DSCAML1: variants seen among roughly 807,000 people sequenced by gnomAD.
DSCAML1 encodes cell adhesion molecule DSCAML1.
Under a neutral mutation model 200.5 loss-of-function variants are expected in DSCAML1, and 38 were observed. The ratio of observed to expected loss-of-function variants is 0.19; its 90% CI spans 0.15 to 0.25. The LOEUF is 0.25. DSCAML1 is among the 10% of genes least tolerant of loss of function. The pLI, the probability that DSCAML1 is intolerant of heterozygous loss-of-function variation, is 1.00. For synonymous variants in DSCAML1, 1,215 were observed against 1,165.0 expected, an observed-to-expected ratio of 1.04 and a Z score of -0.87; for missense variants, 2,223 against 2,858.8, an observed-to-expected ratio of 0.78 and a Z score of 5.07.
intron 3 of DSCAML1, among the ~76,000 whole-genome samples, chr11:117,649,952 T>A (rs529051057): frequency 3.3e-5 from 5 of 152,296 alleles, no homozygotes; most frequent in Admixed American, 2.6e-4. Context: ...CCCTTCCTCA[T>A]TGGAACCCCT....
At chr11:117,511,899 G>A (rs1252799563) in intron 8 of DSCAML1, among the ~76,000 whole-genome samples, 2 of 152,252 alleles carry the variant, frequency 1.3e-5, no homozygotes, top group Admixed American at 1.3e-4. Context: ...ACGTACCAGG[G>A]TGCACACGCA....
At chr11:117,770,507 A>G (rs148941172) in intron 3 of DSCAML1, among the ~76,000 whole-genome samples, 415 of 152,238 alleles carry the variant, frequency 2.7e-3, no homozygotes, top group African/African-American at 9.3e-3. Context: ...GCCACGGGAC[A>G]TTAGGCAGGT....
At chr11:117,802,602 T>C (rs2055671896) in intron 1 of DSCAML1, among the ~76,000 whole-genome samples, 1 of 152,154 alleles carries the variant, frequency 6.6e-6, no homozygotes, top group Admixed American at 6.5e-5. Context: ...GTTCTCGTAT[T>C]GGAGTTTCTC....
At chr11:117,641,099 T>C (rs1290132317) in intron 3 of DSCAML1, among the ~76,000 whole-genome samples, 1 of 152,226 alleles carries the variant, frequency 6.6e-6, no homozygotes, top group Non-Finnish European at 1.5e-5. Context: ...GCAGGGCAAG[T>C]TTGCCTGTTT....
intron 11 of DSCAML1, among the ~76,000 whole-genome samples, chr11:117,501,843 T>C (rs889114249): frequency 4.0e-5 from 6 of 151,662 alleles, no homozygotes; most frequent in African/African-American, 1.5e-4. Context: ...AGGAGAGAAC[T>C]GAAGTAAGAC....
rs59584391 is a variant in DSCAML1, at chr11:117,688,038, T to TGGAGGAAGGAG, written c.511+88742_511+88752dup. ...ATTCCCCGTGGTCGGCGACAGCTGT[T>TGGAGGAAGGAG]GGAGGAAGGAGGGAGGAAGAAGCGC... is the stretch of plus-strand genomic sequence containing the variant. On this transcript the variant is annotated intron_variant, in intron 3 of 32. Coordinates refer to ENST00000651296, the MANE Select transcript of DSCAML1 (RefSeq NM_020693.4). Among the ~76,000 whole-genome samples, 1,203 of 152,192 alleles carry TGGAGGAAGGAG rather than the reference T, an allele frequency of 7.9e-3. 14 individuals are homozygous for TGGAGGAAGGAG. Among genetic ancestry groups the TGGAGGAAGGAG allele is most frequent in the Non-Finnish European group, 8.0e-3 (544 of 68,000 alleles).
At chr11:117,560,308 G>A (rs1329293209) in intron 3 of DSCAML1, among the ~76,000 whole-genome samples, 2 of 152,094 alleles carry the variant, frequency 1.3e-5, no homozygotes, top group African/African-American at 2.4e-5. Flanking sequence ...CAGGAGGTGC[G>A]CCACTAAGCC....
chr11:117,485,205 A>C (rs929716889), intron 11 of DSCAML1, among the ~76,000 whole-genome samples: 2 of 152,202 alleles, frequency 1.3e-5, no homozygotes, highest in Non-Finnish European at 2.9e-5. Context: ...GTATCCATAC[A>C]TGCCATTCCC....
At chr11:117,697,718 C>T (rs1287632679) in intron 3 of DSCAML1, among the ~76,000 whole-genome samples, 4 of 151,584 alleles carry the variant, frequency 2.6e-5, no homozygotes, top group Non-Finnish European at 1.5e-5. Flanking sequence ...TGGCTCATTT[C>T]ACTTAGCATA....
Position 117,780,650 on chromosome 11 carries a change from G to T in DSCAML1, c.207C>A (p.Asp69Glu). ...CGTGGACGTGCCGGATGTGCGGCACGTCGTAGATGTCGTCCCCTGTGGCCA... is the reference window on the plus strand; with the variant it reads ...CGTGGACGTGCCGGATGTGCGGCACTTCGTAGATGTCGTCCCCTGTGGCCA... ...WYLATGDDIY[D>E]VPHIRHVHAN... The change falls in exon 2 of 33, where the codon GAC becomes GAA. Residue 69 changes from aspartate (D) to glutamate (E), a missense_variant. Coordinates refer to ENST00000651296, the MANE Select transcript of DSCAML1 (RefSeq NM_020693.4). This position sits in a 1 kb window ranked among gnomAD's most constrained non-coding sequence, Gnocchi z 4.8. 6.3e-7 allele frequency: 1 copy of T among 1,589,654 alleles called. No homozygotes were observed.
intron 11 of DSCAML1, among the ~76,000 whole-genome samples, chr11:117,487,986 C>T (rs1479913842): frequency 6.6e-6 from 1 of 152,142 alleles, no homozygotes; most frequent in Non-Finnish European, 1.5e-5. Flanking sequence ...GCCCGGGTCT[C>T]AGGAGAGGGA....
At chr11:117,473,419 C>T (rs1316127104) in intron 14 of DSCAML1, among the ~76,000 whole-genome samples, 1 of 152,122 alleles carries the variant, frequency 6.6e-6, no homozygotes, top group Non-Finnish European at 1.5e-5. Flanking sequence ...ATTGCTTGAA[C>T]CCGGGAGGTG....
In DSCAML1 at chr11:117,617,680, GCACACACA is replaced by G. The variant is rs36207373; in HGVS notation, c.512-85166_512-85159del. On this transcript the variant is annotated intron_variant, in intron 3 of 32. Transcript: ENST00000651296. The stretch of plus-strand genomic sequence containing the variant: ...GCCACAAGACAACACACAGGTACAC[GCACACACA>G]CACACACACACACACACACACACAC... 6.3e-3 allele frequency among the ~76,000 whole-genome samples: 900 copies of G among 142,990 alleles called. 6 individuals carry two copies. The highest frequency in any genetic ancestry group is 9.3e-3 in the Non-Finnish European group (609 of 65,758). The allele number at this position is 142,990 out of a possible 152,430, so 93.8% of individuals were successfully genotyped here. A position where few individuals can be genotyped will look rare whatever the true frequency, so the allele number is the denominator to read the frequency against.
At chr11:117,511,478 G>A (rs2137291723) in intron 8 of DSCAML1, among the ~76,000 whole-genome samples, 1 of 152,242 alleles carries the variant, frequency 6.6e-6, no homozygotes, top group Middle Eastern at 3.4e-3. Context: ...TTATTTTTCA[G>A]CTACAGGTGG....
At chr11:117,773,153 CT>C (rs1014569593) in intron 3 of DSCAML1, among the ~76,000 whole-genome samples, 3 of 152,186 alleles carry the variant, frequency 2.0e-5, no homozygotes, top group African/African-American at 4.8e-5. Context: ...GCCTTCAATT[CT>C]TCCCAGACTC....
At chr11:117,764,207 T>C (rs1167945012) in intron 3 of DSCAML1, among the ~76,000 whole-genome samples, 1 of 152,156 alleles carries the variant, frequency 6.6e-6, no homozygotes, top group Non-Finnish European at 1.5e-5. Flanking sequence ...CACCAAGGCG[T>C]CTTTCTTAGG....
At chr11:117,433,576 G>A (rs2047848650) in intron 27 of DSCAML1, 105 bp from the exon 28 acceptor site, 1 of 1,265,156 alleles carries the variant, frequency 7.9e-7, no homozygotes, top group Non-Finnish European at 1.1e-6. Flanking sequence ...TTAAAATGGG[G>A]CCAGGGCTGG....
upstream of DSCAML1, chr11:117,800,926 A>T (rs2298647): frequency 0.54 from 82,264 of 152,096 alleles, 22,936 homozygotes; most frequent in African/African-American, 0.69. Context: ...CAAAGGCATA[A>T]AATTATTTTA....
intron 3 of DSCAML1, among the ~76,000 whole-genome samples, chr11:117,715,474 T>C (rs954729830): frequency 6.6e-6 from 1 of 152,166 alleles, no homozygotes; most frequent in African/African-American, 2.4e-5. Context: ...AGAAAGTATA[T>C]CAAATGCCTA....
Sources: gnomAD v4.1 joint callset for allele counts (sites outside exome capture counted in the v4.1 genomes callset) on GRCh38, gnomAD v4.1.1 for gene constraint, Gnocchi (gnomAD v3.1) non-coding constraint, MANE v1.5 for transcripts, NCBI Gene and HGNC (gene_info 2026-07-23, HGNC 2026-07-21) for gene names.